ELAPOR2: variants seen among roughly 807,000 people sequenced by gnomAD.
The protein encoded by ELAPOR2 is endosome-lysosome associated apoptosis and autophagy regulator family member 2.
ELAPOR2 carries 89 observed loss-of-function variants against 120.7 expected under a neutral mutation model. The observed-to-expected ratio is 0.74, with a 90% CI of 0.62 to 0.88. The LOEUF (loss-of-function observed/expected upper bound fraction) is 0.88, where lower values mean the gene tolerates loss of function less well. Ranked by LOEUF, ELAPOR2 falls within the 40% of genes least tolerant of loss-of-function variation. ELAPOR2 has a pLI of 0.00. For synonymous variants in ELAPOR2, 444 were observed against 444.9 expected, an observed-to-expected ratio of 1.00 and a Z score of 0.03; for missense variants, 1,134 against 1,251.6, an observed-to-expected ratio of 0.91 and a Z score of 1.42.
At chr7:86,930,203 C>G (rs1351754250) in intron 8 of ELAPOR2, among the ~76,000 whole-genome samples, 1 of 151,890 alleles carries the variant, frequency 6.6e-6, no homozygotes. Context: ...ATACTGAAAA[C>G]ACTGAATTAT....
chr7:86,978,452 A>G (rs1239808905), intron 1 of ELAPOR2, among the ~76,000 whole-genome samples: 2 of 152,216 alleles, frequency 1.3e-5, no homozygotes, highest in African/African-American at 4.8e-5. Flanking sequence ...AATATAAGAC[A>G]CACTGGTTGG....
intron 1 of ELAPOR2, among the ~76,000 whole-genome samples, chr7:87,011,110 A>G (rs1438647210): frequency 6.6e-6 from 1 of 151,980 alleles, no homozygotes; most frequent in Non-Finnish European, 1.5e-5. Context: ...CACTAAAAAT[A>G]CAAAAAAATT....
At chr7:86,911,228 G>C (rs2116074409) in intron 15 of ELAPOR2, among the ~76,000 whole-genome samples, 1 of 152,162 alleles carries the variant, frequency 6.6e-6, no homozygotes, top group East Asian at 1.9e-4. Flanking sequence ...TGAGTGAACT[G>C]AGTAACCAAT....
chr7:86,995,432 A>G (rs1278996870), intron 1 of ELAPOR2, among the ~76,000 whole-genome samples: 1 of 152,218 alleles, frequency 6.6e-6, no homozygotes. Flanking sequence ...ACTAACAGAA[A>G]CTACTAGAGT....
At chr7:86,932,414 T>C in intron 8 of ELAPOR2, among the ~76,000 whole-genome samples, 1 of 151,846 alleles carries the variant, frequency 6.6e-6, no homozygotes, top group Admixed American at 6.6e-5. Flanking sequence ...TTAAAATTCA[T>C]TACTAGAGAA....
At chr7:86,978,930 T>A (rs974699826) in intron 1 of ELAPOR2, among the ~76,000 whole-genome samples, 4 of 152,266 alleles carry the variant, frequency 2.6e-5, no homozygotes, top group African/African-American at 9.6e-5. Context: ...AGGCAGGTAC[T>A]GACACATTTC....
intron 8 of ELAPOR2, among the ~76,000 whole-genome samples, chr7:86,937,853 T>C (rs766738671): frequency 6.6e-6 from 1 of 152,074 alleles, no homozygotes; most frequent in Non-Finnish European, 1.5e-5. Context: ...AATGTTCTTA[T>C]AGCAGCTTTA....
chr7:87,017,417 C>T (rs1793905210), intron 1 of ELAPOR2, among the ~76,000 whole-genome samples: 1 of 151,982 alleles, frequency 6.6e-6, no homozygotes, highest in Non-Finnish European at 1.5e-5. Context: ...TATACATCTG[C>T]CCCTGACTTG....
chr7:87,015,390 C>T (rs1215516964), intron 1 of ELAPOR2, among the ~76,000 whole-genome samples: 1 of 152,190 alleles, frequency 6.6e-6, no homozygotes, highest in Non-Finnish European at 1.5e-5. Flanking sequence ...TTCCTACTCT[C>T]CTGCCTAAAA....
chr7:87,049,545 G>A (rs1299912385), intron 1 of ELAPOR2, among the ~76,000 whole-genome samples: 1 of 152,212 alleles, frequency 6.6e-6, no homozygotes, highest in Admixed American at 6.5e-5. Flanking sequence ...GCCTCCCAAA[G>A]TGCTGGGATT....
At chr7:87,043,205 C>A (rs1262263148) in intron 1 of ELAPOR2, among the ~76,000 whole-genome samples, 5 of 151,704 alleles carry the variant, frequency 3.3e-5, no homozygotes, top group African/African-American at 1.2e-4. Flanking sequence ...GGTACCATTC[C>A]TTCTGAAACT....
chr7:86,895,296 G>C (rs572859727), intron 19 of ELAPOR2, among the ~76,000 whole-genome samples: 1 of 151,950 alleles, frequency 6.6e-6, no homozygotes, highest in African/African-American at 2.4e-5. Context: ...TTCAGTGATC[G>C]AGGTGGCTAT....
chr7:87,033,808 A>C (rs374443965), intron 1 of ELAPOR2, among the ~76,000 whole-genome samples: 29 of 152,180 alleles, frequency 1.9e-4, no homozygotes, highest in African/African-American at 7.0e-4. Flanking sequence ...AAATAGCTCA[A>C]AAGAAATTGA....
At chr7:87,052,285 A>T (rs1327331470) in intron 1 of ELAPOR2, among the ~76,000 whole-genome samples, 1 of 152,228 alleles carries the variant, frequency 6.6e-6, no homozygotes, top group African/African-American at 2.4e-5. Flanking sequence ...TGAAAGGCAC[A>T]TCTCACATGG....
intron 15 of ELAPOR2, among the ~76,000 whole-genome samples, chr7:86,911,231 T>A (rs914674223): frequency 6.6e-6 from 1 of 152,106 alleles, no homozygotes; most frequent in African/African-American, 2.4e-5. Context: ...GTGAACTGAG[T>A]AACCAATCTA....
chr7:86,960,329 C>A (rs1791654031), intron 2 of ELAPOR2, among the ~76,000 whole-genome samples: 1 of 152,186 alleles, frequency 6.6e-6, no homozygotes, highest in Non-Finnish European at 1.5e-5. Flanking sequence ...CAGCTCACTG[C>A]AACCTCTGCC....
At chr7:86,888,402 G>T (rs1799793719) in intron 21 of ELAPOR2, among the ~76,000 whole-genome samples, 1 of 152,004 alleles carries the variant, frequency 6.6e-6, no homozygotes, top group African/African-American at 2.4e-5. Flanking sequence ...GGAAATAAGG[G>T]ACATTAAGAA....
chr7:86,984,653 A>G (rs930574890), intron 1 of ELAPOR2, among the ~76,000 whole-genome samples: 3 of 152,252 alleles, frequency 2.0e-5, no homozygotes, highest in African/African-American at 7.2e-5. Context: ...CAAAGACACA[A>G]TGTACCAGTA....
At chr7:86,944,834 C>A in intron 4 of ELAPOR2, 65 bp downstream of exon 4, 2 of 1,350,444 alleles carry the variant, frequency 1.5e-6, no homozygotes, top group African/African-American at 1.5e-5. Flanking sequence ...ATGGGAACAA[C>A]TGACTAAGGG....
Sources: allele counts gnomAD v4.1 joint callset (sites outside exome capture counted in the v4.1 genomes callset), GRCh38; gene constraint gnomAD v4.1.1; transcripts MANE v1.5; gene names NCBI Gene and HGNC (gene_info 2026-07-23, HGNC 2026-07-21).